Variants in ANK1 observed in about 807,000 individuals in gnomAD.
The protein encoded by ANK1 is ankyrin-1.
A neutral mutation model predicts 210.4 loss-of-function variants in ANK1; 51 were observed. The ratio of observed to expected loss-of-function variants is 0.24; its 90% confidence interval spans 0.19 to 0.31. The LOEUF (loss-of-function observed/expected upper bound fraction) is 0.31, where lower values mean the gene tolerates loss of function less well. Ranked by LOEUF, ANK1 falls within the 10% of genes least tolerant of loss-of-function variation. The pLI is 1.00. For synonymous variants in ANK1, 967 were observed against 1,025.9 expected, an observed-to-expected ratio of 0.94 and a Z score of 1.10; for missense variants, 2,051 against 2,504.4, an observed-to-expected ratio of 0.82 and a Z score of 3.86.
intron 1 of ANK1, among the ~76,000 whole-genome samples, chr8:41,765,461 G>T (rs1266861553): frequency 6.6e-6 from 1 of 152,018 alleles, no homozygotes; most frequent in East Asian, 1.9e-4. Flanking sequence ...TGCCCAGGCT[G>T]GTCTTGAACT....
chr8:41,703,634 G>A (rs968362542), intron 20 of ANK1, among the ~76,000 whole-genome samples: 2 of 150,088 alleles, frequency 1.3e-5, no homozygotes, highest in Non-Finnish European at 3.0e-5. Context: ...CAGCTAATAC[G>A]TATCACCACA....
intron 37 of ANK1, among the ~76,000 whole-genome samples, chr8:41,678,309 T>C (rs942315585): frequency 8.5e-5 from 13 of 152,088 alleles, no homozygotes; most frequent in African/African-American, 2.9e-4. Flanking sequence ...TGGCTAACTT[T>C]TGTAATTTTT....
At chr8:41,826,752 C>A (rs1317005738) in intron 1 of ANK1, among the ~76,000 whole-genome samples, 1 of 152,174 alleles carries the variant, frequency 6.6e-6, no homozygotes, top group African/African-American at 2.4e-5. Flanking sequence ...CATGTTTTCC[C>A]AGAACTGGAA....
Position 41,672,411 on chromosome 8 carries a change from T to C in ANK1, c.5039A>G (p.Gln1680Arg). 6.2e-7 allele frequency: 1 copy of C among 1,614,224 alleles called. No homozygotes were observed. The highest frequency in any genetic ancestry group is 1.3e-5 in the African/African-American group (1 of 75,060). Residue 1680 changes from glutamine to arginine, a missense_variant, in exon 38 of 43, where the codon CAA becomes CGA. Around this residue, in one of 6 missense-constraint regions of ANK1, gnomAD observed 496 missense variants for 533.4 expected, o/e 0.93. Transcript: ENST00000289734. ...GGTGGGGGAATGTGTGATTCGGGCT[T>C]GCCCCCTCTGATGGCCTGAAACAAG... ...VSLVSGHQRG[Q>R]ARITHSPTVS...
At chr8:41,782,869 C>A (rs985409525) in intron 1 of ANK1, among the ~76,000 whole-genome samples, 2 of 152,130 alleles carry the variant, frequency 1.3e-5, no homozygotes, top group Admixed American at 6.5e-5. Context: ...TCATTAGATG[C>A]TGGCTGATCA....
rs574026280 is a variant in ANK1 at position 41,870,743 on chromosome 8, C to G, written c.126+25612G>C. Among the ~76,000 whole-genome samples, 3 of 152,308 alleles carry G rather than the reference C, an allele frequency of 2.0e-5. 1 individual carries two copies. Among genetic ancestry groups the G allele is most frequent in the African/African-American group, 7.2e-5 (3 of 41,566 alleles). ...GGGTGGGCCCGGCACACACGTTAGCCGAGTCCCTGGCTTTAGCTGACCAAG... is the reference window on the plus strand; with the variant it reads ...GGGTGGGCCCGGCACACACGTTAGCGGAGTCCCTGGCTTTAGCTGACCAAG... On this transcript the variant is annotated intron_variant, in intron 1 of 42. Coordinates refer to the ANK1 transcript ENST00000265709.
rs557189846 is a variant in ANK1 at position 41,687,085 on chromosome 8, G to A, written c.4259-802C>T. 1.9e-4 allele frequency among the ~76,000 whole-genome samples: 29 copies of A among 152,282 alleles called. No homozygotes were observed. In the East Asian group the frequency reaches 2.1e-3, roughly 11 times the overall value. Reference sequence around the variant, plus strand: ...GACTGAACTTCTGAGTTTGTCACACGGCCTTTCCACAAGTCATTGCCAAAA... The same window carrying A: ...GACTGAACTTCTGAGTTTGTCACACAGCCTTTCCACAAGTCATTGCCAAAA... On this transcript the variant is annotated intron_variant, in intron 35 of 42. Coordinates refer to ENST00000289734, the MANE Select transcript of ANK1 (RefSeq NM_000037.4).
chr8:41,691,913 A>T (rs1819369693), intron 31 of ANK1, among the ~76,000 whole-genome samples: 1 of 152,238 alleles, frequency 6.6e-6, no homozygotes, highest in South Asian at 2.1e-4. Context: ...ACTGGTCTCA[A>T]ACTCCTGGGC....
chr8:41,661,624 C>A (rs760585643), intron 41 of ANK1, 60 bp from the exon 42 acceptor site: 7 of 1,610,416 alleles, frequency 4.3e-6, no homozygotes, highest in Non-Finnish European at 5.9e-6. Flanking sequence ...AGAACACAGG[C>A]AGAAGATCGA....
At chr8:41,763,862 CTTTCTTCTTTCT>C (rs1841031095) in intron 1 of ANK1, among the ~76,000 whole-genome samples, 1 of 80,742 alleles carries the variant, frequency 1.2e-5, no homozygotes, top group Non-Finnish European at 2.7e-5. Flanking sequence ...CTTTTTCTTT[CTTTCTTCTTTCT>C]TTTTTTCTTT....
chr8:41,721,477 T>G (rs1829240003), intron 9 of ANK1, among the ~76,000 whole-genome samples: 1 of 151,952 alleles, frequency 6.6e-6, no homozygotes, highest in African/African-American at 2.4e-5. Flanking sequence ...GCTAACATGG[T>G]GAATCCCCAT....
At chr8:41,834,562 C>T (rs558125246) in intron 1 of ANK1, among the ~76,000 whole-genome samples, 1 of 152,356 alleles carries the variant, frequency 6.6e-6, no homozygotes, top group South Asian at 2.1e-4. Flanking sequence ...CTCTCCGCAG[C>T]GTTTCAGCCA....
At chr8:41,876,205 G>A (rs1816569241) in intron 1 of ANK1, among the ~76,000 whole-genome samples, 1 of 152,182 alleles carries the variant, frequency 6.6e-6, no homozygotes, top group Non-Finnish European at 1.5e-5. Context: ...GCCCTGTCTG[G>A]CCTCACCAGC....
chr8:41,852,681 A>G (rs74700286), intron 1 of ANK1, among the ~76,000 whole-genome samples: 2,591 of 152,362 alleles, frequency 0.017, 81 homozygotes, highest in African/African-American at 0.059. Flanking sequence ...GCCTGGTCAC[A>G]GAGCCAAGGA....
At chr8:41,812,159 T>A (rs1367390403) in intron 1 of ANK1, among the ~76,000 whole-genome samples, 1 of 152,242 alleles carries the variant, frequency 6.6e-6, no homozygotes, top group Non-Finnish European at 1.5e-5. Context: ...TTCGTTATCA[T>A]CATCCAACCC....
chr8:41,852,338 C>T (rs574807889), intron 1 of ANK1, among the ~76,000 whole-genome samples: 123 of 152,316 alleles, frequency 8.1e-4, no homozygotes, highest in African/African-American at 2.9e-3. Context: ...GGGGAACATG[C>T]GGGCCGAAGC....
At chr8:41,667,698 G>A (rs544104972) in intron 39 of ANK1, among the ~76,000 whole-genome samples, 35 of 152,260 alleles carry the variant, frequency 2.3e-4, no homozygotes, top group Admixed American at 7.8e-4. Flanking sequence ...GAGCAGGAGA[G>A]GAGACTTCTC....
At position 41,663,689 on chromosome 8, in the gene ANK1, C is replaced by T. The variant is rs146637140; in HGVS notation, c.5448G>A (p.Thr1816=). The change falls in exon 40 of 43, where the codon ACG becomes ACA. Residue 1816 remains threonine, a synonymous_variant. Transcript: ENST00000289734. ...TGGTGACAATGTTGCCCTGCTCATC[C>T]GTGAATTGCTCCTCTGTCACCTGCT... The part of the protein sequence containing the change: ...PGEQVTEEQF[T]DEQGNIVTKK... 73 of 1,613,968 alleles carry T rather than the reference C, an allele frequency of 4.5e-5. No individual in the cohort carries two copies. The highest frequency in any genetic ancestry group is 1.8e-4 in the East Asian group (8 of 44,888).
intron 1 of ANK1, among the ~76,000 whole-genome samples, chr8:41,827,740 A>ACC (rs397800339): frequency 6.8e-6 from 1 of 148,134 alleles, no homozygotes; most frequent in Non-Finnish European, 1.5e-5. Flanking sequence ...ACATCCACAC[A>ACC]CGCATACATA....
Sources: allele counts gnomAD v4.1 joint callset (sites outside exome capture counted in the v4.1 genomes callset), GRCh38; gene constraint gnomAD v4.1.1; regional missense constraint gnomAD v4.1.1; transcripts MANE v1.5; gene names NCBI Gene and HGNC (gene_info 2026-07-23, HGNC 2026-07-21).